Variants in ARHGEF7 observed in about 807,000 individuals in gnomAD.
The protein encoded by ARHGEF7 is PAK-interacting exchange factor beta.
A neutral mutation model predicts 109.8 loss-of-function variants in ARHGEF7; 33 were observed. The observed-to-expected ratio is 0.30, with a 90% CI of 0.23 to 0.40. The LOEUF (loss-of-function observed/expected upper bound fraction) is 0.40. ARHGEF7 is among the 10% of genes least tolerant of loss of function. The pLI is 1.00. For synonymous variants in ARHGEF7, 458 were observed against 424.6 expected, an observed-to-expected ratio of 1.08 and a Z score of -0.97; for missense variants, 938 against 1,098.5, an observed-to-expected ratio of 0.85 and a Z score of 2.07.
At chr13:111,261,932 C>T (rs1721572881) in intron 8 of ARHGEF7, among the ~76,000 whole-genome samples, 2 of 152,088 alleles carry the variant, frequency 1.3e-5, no homozygotes, top group Non-Finnish European at 2.9e-5. Context: ...CGTGGAAACA[C>T]AGCATACCAA....
At chr13:111,229,999 G>A (rs569103708) in intron 5 of ARHGEF7, among the ~76,000 whole-genome samples, 13 of 152,106 alleles carry the variant, frequency 8.5e-5, no homozygotes, top group Non-Finnish European at 1.6e-4. Context: ...GGTTGGAGCA[G>A]GTCTGTTTTC....
chr13:111,150,766 A>G (rs2075848176), intron 1 of ARHGEF7, among the ~76,000 whole-genome samples: 1 of 152,202 alleles, frequency 6.6e-6, no homozygotes, highest in Admixed American at 6.5e-5. Flanking sequence ...AGTTTGTATT[A>G]TGCCCTGAGG....
chr13:111,133,777 A>G (rs1236891464), intron 1 of ARHGEF7, among the ~76,000 whole-genome samples: 2 of 21,190 alleles, frequency 9.4e-5, no homozygotes, highest in Admixed American at 1.2e-3. Context: ...ATATATATAT[A>G]TATATATATA....
In ARHGEF7 at chr13:111,280,626, C is replaced by T; in HGVS notation, c.1674C>T (p.Val558=). ...AGCACCTACAGAAGCAAACGAAGGT[C>T]ACGTCTGTGGGAAACCCCACCATAA... ...WVEHLQKQTK[V]TSVGNPTIKP... Residue 558 remains valine (V), a synonymous_variant, in exon 15 of 22, where the codon GTC becomes GTT. Coordinates refer to ENST00000646102, the MANE Select transcript of ARHGEF7 (RefSeq NM_001354046.2). 1.2e-6 allele frequency: 2 copies of T among 1,612,014 alleles called. No individual in the cohort carries two copies. Among genetic ancestry groups the T allele is most frequent in the East Asian group, 2.2e-5 (1 of 44,818 alleles).
In ARHGEF7 at chr13:111,275,693, A is replaced by G. The variant is rs368238952; in HGVS notation, c.1419+15A>G. Reference sequence around the variant, plus strand: ...CCGGAAGTGAGGTACTGCTGCCCACATGCACGCACCAGGGTTTCTGTCCCA... The same window carrying G: ...CCGGAAGTGAGGTACTGCTGCCCACGTGCACGCACCAGGGTTTCTGTCCCA... On this transcript the variant is annotated intron_variant, in intron 12 of 21. Transcript: ENST00000646102. 24 of 1,613,890 alleles carry G rather than the reference A, an allele frequency of 1.5e-5. No homozygotes were observed. The highest frequency in any genetic ancestry group is 4.0e-5 in the African/African-American group (3 of 74,928).
chr13:111,219,590 C>T (rs574054978), intron 5 of ARHGEF7, among the ~76,000 whole-genome samples: 3 of 151,312 alleles, frequency 2.0e-5, no homozygotes, highest in East Asian at 1.9e-4. Context: ...TGGACCATGT[C>T]GCATTCCCAC....
chr13:111,263,976 A>G (rs1014075023), intron 8 of ARHGEF7, among the ~76,000 whole-genome samples: 1 of 152,198 alleles, frequency 6.6e-6, no homozygotes, highest in Non-Finnish European at 1.5e-5. Flanking sequence ...TGCTGCATAC[A>G]TATAGTAGTT....
chr13:111,229,726 A>T (rs2085764144), intron 5 of ARHGEF7, among the ~76,000 whole-genome samples: 1 of 152,070 alleles, frequency 6.6e-6, no homozygotes, highest in African/African-American at 2.4e-5. Flanking sequence ...TTCTACAGAG[A>T]GGAGTAACAT....
upstream of ARHGEF7, chr13:111,115,183 G>A (rs913834370): frequency 3.4e-5 from 5 of 146,840 alleles, no homozygotes; most frequent in Admixed American, 6.8e-5. Context: ...GCCTGGAGCG[G>A]AGGCTGCGCA....
chr13:111,264,799 G>C (rs1049938444), intron 8 of ARHGEF7, among the ~76,000 whole-genome samples: 1 of 152,198 alleles, frequency 6.6e-6, no homozygotes, highest in East Asian at 1.9e-4. Flanking sequence ...CCACCTGAAC[G>C]TGTGTGGGAT....
intron 2 of ARHGEF7, among the ~76,000 whole-genome samples, chr13:111,167,420 C>T (rs1008286586): frequency 4.6e-5 from 7 of 152,182 alleles, no homozygotes; most frequent in Admixed American, 1.3e-4. Flanking sequence ...GCTGGTGTTT[C>T]TTCTTGGTCT....
intron 18 of ARHGEF7, 23 bp from the exon 19 acceptor site, chr13:111,292,095 G>C (rs1168002573): frequency 1.9e-6 from 3 of 1,607,288 alleles, no homozygotes; most frequent in Non-Finnish European, 8.5e-7. Context: ...TGTCGCGCCT[G>C]TCCCTCCGCC....
chr13:111,254,140 A>G (rs2090128885), intron 8 of ARHGEF7, among the ~76,000 whole-genome samples: 1 of 152,220 alleles, frequency 6.6e-6, no homozygotes, highest in Admixed American at 6.5e-5. Context: ...CTTTACTCAG[A>G]TTGTTCTAAT....
chr13:111,183,199 T>A (rs1315024993), intron 2 of ARHGEF7, among the ~76,000 whole-genome samples: 1 of 152,228 alleles, frequency 6.6e-6, no homozygotes, highest in Non-Finnish European at 1.5e-5. Flanking sequence ...GCACGCTATG[T>A]CATTGTACTC....
rs757901020 is a variant in ARHGEF7 at position 111,115,680 on chromosome 13, A to C, written c.154A>C (p.Thr52Pro). The change falls in exon 1 of 22, where the codon ACC (threonine) becomes CCC (proline). Residue 52 changes from threonine (T) to proline (P), a missense_variant. Transcript: ENST00000646102. ...GCTGCTGGAGCGCCTGCTCCCCGGG[A>C]CCATCGAGAAAGTAAGTCCCGGCCC... ...CRLLERLLPG[T>P]IEKVYPEPRS... 7.9e-7 allele frequency: 1 copy of C among 1,269,324 alleles called. No individual in the cohort carries two copies. The highest frequency in any genetic ancestry group is 1.0e-6 in the Non-Finnish European group (1 of 1,000,636). The allele number at this position is 1,269,324 out of a possible 1,614,324, so 78.6% of individuals were successfully genotyped here. A position where few individuals can be genotyped will look rare whatever the true frequency, so the allele number is the denominator to read the frequency against.
At chr13:111,274,133 AC>A (rs1777279459) in intron 10 of ARHGEF7, among the ~76,000 whole-genome samples, 181 bp downstream of exon 10, 1 of 152,174 alleles carries the variant, frequency 6.6e-6, no homozygotes, top group Admixed American at 6.5e-5. Context: ...GAAAACATTT[AC>A]CCCTTATCTC....
At chr13:111,120,390 C>T (rs1412247622) in intron 1 of ARHGEF7, among the ~76,000 whole-genome samples, 2 of 152,240 alleles carry the variant, frequency 1.3e-5, no homozygotes, top group South Asian at 2.1e-4. Context: ...CACACTTGCA[C>T]ATGCATGTGC....
intron 18 of ARHGEF7, among the ~76,000 whole-genome samples, chr13:111,290,955 A>G (rs2093256030): frequency 6.6e-6 from 1 of 152,258 alleles, no homozygotes; most frequent in African/African-American, 2.4e-5. Flanking sequence ...GGGTTTTAGA[A>G]GGATAATATA....
In ARHGEF7 at chr13:111,115,706, G is replaced by A. The variant is rs1057236898; in HGVS notation, c.165+15G>A. The A allele has an allele frequency of 7.8e-6, 9 of 1,159,466 alleles. No homozygotes were observed. The highest frequency in any genetic ancestry group is 9.6e-6 in the Non-Finnish European group (9 of 939,198). The allele number at this position is 1,159,466 out of a possible 1,614,324, so 71.8% of individuals were successfully genotyped here. A position where few individuals can be genotyped will look rare whatever the true frequency, so the allele number is the denominator to read the frequency against. ...CCATCGAGAAAGTAAGTCCCGGCCC[G>A]CGCCCCCGCCCGCGCCCCCCGGTCC... On this transcript the variant is annotated intron_variant, in intron 1 of 21. Coordinates refer to ENST00000646102, the MANE Select transcript of ARHGEF7 (RefSeq NM_001354046.2).
Sources: allele counts gnomAD v4.1 joint callset (sites outside exome capture counted in the v4.1 genomes callset), GRCh38; gene constraint gnomAD v4.1.1; transcripts MANE v1.5; gene names NCBI Gene and HGNC (gene_info 2026-07-23, HGNC 2026-07-21).